Variants in DDX56 observed in about 807,000 individuals in gnomAD.
DDX56 encodes DEAD-box helicase 56, also known as probable ATP-dependent RNA helicase DDX56.
In DDX56, 45 loss-of-function variants were observed where a neutral mutation model predicts 61.5. The ratio of observed to expected loss-of-function variants is 0.73; its 90% CI spans 0.58 to 0.94. The LOEUF (loss-of-function observed/expected upper bound fraction) is 0.94, where lower values mean the gene tolerates loss of function less well. Ranked by LOEUF, DDX56 falls within the 40% of genes least tolerant of loss-of-function variation. The pLI, the probability that DDX56 is intolerant of heterozygous loss-of-function variation, is 0.00. For missense variants in DDX56, 708 were observed against 690.7 expected (o/e 1.02, Z -0.28); for synonymous variants, 273 against 268.3 (o/e 1.02, Z -0.17).
At position 44,566,433 on chromosome 7, in the gene DDX56, C is replaced by T; in HGVS notation, c.1566+15G>A. ...GAGGAGTCCTGGGGCTGTCCGCAGT[C>T]CCCAGGAGCCGTACCTTGGCCTTCC... On this transcript the variant is annotated intron_variant, in intron 13 of 13. Transcript: ENST00000258772. 1.3e-6 allele frequency: 2 copies of T among 1,549,700 alleles called. No individual in the cohort carries two copies. Among genetic ancestry groups the T allele is most frequent in the Non-Finnish European group, 1.7e-6 (2 of 1,145,206 alleles).
intron 2 of DDX56, 60 bp downstream of exon 2, chr7:44,573,523 C>T: frequency 6.3e-7 from 1 of 1,584,064 alleles, no homozygotes; most frequent in Non-Finnish European, 8.6e-7. Flanking sequence ...AAACGGGAAC[C>T]GCCCTTCCCA....
intron 9 of DDX56, 84 bp from the exon 10 acceptor site, chr7:44,569,287 T>A: frequency 2.3e-6 from 3 of 1,322,216 alleles, no homozygotes; most frequent in Non-Finnish European, 3.2e-6. Context: ...ACCTCCCCCT[T>A]GGGGGAAAGC....
Position 44,571,634 on chromosome 7 carries a change from C to A in DDX56, c.748G>T (p.Ala250Ser), listed in dbSNP as rs752966392. 2.1e-5 allele frequency: 34 copies of A among 1,614,152 alleles called. No homozygotes were observed. Among genetic ancestry groups the A allele is most frequent in the Non-Finnish European group, 2.6e-5 (31 of 1,180,042 alleles). Residue 250 changes from alanine to serine, a missense_variant, in exon 6 of 14, where the codon GCC becomes TCC. Coordinates refer to ENST00000258772, the MANE Select transcript of DDX56 (RefSeq NM_019082.4). ...TEEDKFLLLY[A>S]LLKLSLIRGK... is the part of the protein sequence containing the mutation. ...CGAATCAATGACAGCTTGAGCAGGG[C>A]ATACAGCAGGAGGAATTTGTCTTCC...
At chr7:44,570,969 CT>C in intron 6 of DDX56, 92 bp from the exon 7 acceptor site, 1 of 1,433,762 alleles carries the variant, frequency 7.0e-7, no homozygotes. Context: ...TCACCCTTTC[CT>C]TTTTCCTCTT....
At chr7:44,571,840 T>G (rs1802682181) in intron 5 of DDX56, 104 bp from the exon 6 acceptor site, 1 of 1,460,270 alleles carries the variant, frequency 6.8e-7, no homozygotes, top group African/African-American at 1.4e-5. Context: ...AGGGCAGAGA[T>G]GCATTTAAGG....
intron 9 of DDX56, 54 bp downstream of exon 9, chr7:44,569,755 G>T: frequency 6.9e-7 from 1 of 1,441,304 alleles, no homozygotes; most frequent in Non-Finnish European, 9.6e-7. Flanking sequence ...GAGTTTTAAA[G>T]CATTGTGGAA....
chr7:44,567,898 A>G, intron 12 of DDX56: 3 of 581,644 alleles, frequency 5.2e-6, no homozygotes, highest in Non-Finnish European at 3.1e-6. Context: ...CAATTTCCTC[A>G]TCTCTAAAAT....
At chr7:44,566,750 A>C (rs1226055510) in intron 12 of DDX56, among the ~76,000 whole-genome samples, 1 of 152,160 alleles carries the variant, frequency 6.6e-6, no homozygotes, top group Admixed American at 6.5e-5. Flanking sequence ...CAAACATGTA[A>C]CAAGAAAGAA....
At chr7:44,566,131 C>T (rs771938942) in intron 13 of DDX56, 52 bp from the exon 14 acceptor site, 6 of 1,051,734 alleles carry the variant, frequency 5.7e-6, no homozygotes, top group Middle Eastern at 6.1e-4. Context: ...GACAGACAAT[C>T]CACCCACCCA....
chr7:44,573,097 GTGTCCACGTGT>G (rs1340056991), intron 2 of DDX56, 47 bp from the exon 3 acceptor site: 1 of 1,503,458 alleles, frequency 6.7e-7, no homozygotes, highest in Admixed American at 2.2e-5. Flanking sequence ...GCACATCACT[GTGTCCACGTGT>G]CTCTACCCCT....
rs773699358 is a variant in DDX56 at position 44,568,981 on chromosome 7, G to A, written c.1305C>T (p.Arg435=). The A allele has an allele frequency of 1.9e-6, 3 of 1,613,928 alleles. No individual in the cohort carries two copies. In the African/African-American group the frequency reaches 4.0e-5, roughly 22 times the overall value. ...CCCGAATGGCCTGCTTAGTCACTGA[G>A]CGCATGGCATCCTGGGGGTGGACAC... ...GFRYRCRDAM[R]SVTKQAIREA... is the part of the protein sequence containing the mutation. Residue 435 remains arginine, a synonymous_variant, in exon 11 of 14, where the codon CGC becomes CGT. Transcript: ENST00000258772.
chr7:44,570,010 A>T lies in DDX56; in HGVS notation c.1124+5T>A. On this transcript the variant is annotated splice_donor_5th_base_variant and intron_variant, in intron 8 of 13. Transcript: ENST00000258772. ...ATGCAGATGCCTGGGCCGTCACACT[A>T]CTACCTGCCAGCTCGATGGATGTAG... The T allele has an allele frequency of 6.2e-7, 1 of 1,614,156 alleles. No individual in the cohort carries two copies. The highest frequency in any genetic ancestry group is 1.1e-5 in the South Asian group (1 of 91,074).
At position 44,571,739 on chromosome 7, in the gene DDX56, G is replaced by T. The variant is rs897834777; in HGVS notation, c.646-3C>A. 6.2e-7 allele frequency: 1 copy of T among 1,613,466 alleles called. No homozygotes were observed. Among genetic ancestry groups the T allele is most frequent in the African/African-American group, 1.3e-5 (1 of 74,920 alleles). ...GACTCCTGTAACTTAAGGGTAACCTGGGGGAGAAAACAGGCCTGTGGTCAG... is the reference window on the plus strand; with the variant it reads ...GACTCCTGTAACTTAAGGGTAACCTTGGGGAGAAAACAGGCCTGTGGTCAG... On this transcript the variant is annotated splice_polypyrimidine_tract_variant and splice_region_variant and intron_variant, in intron 5 of 13. Transcript: ENST00000258772.
chr7:44,572,730 T>TC lies in DDX56; in HGVS notation c.397dup (p.Glu133GlyfsTer26). On this transcript the variant is annotated frameshift_variant, in exon 4 of 14. Coordinates refer to ENST00000258772, the MANE Select transcript of DDX56 (RefSeq NM_019082.4). LOFTEE classifies it high-confidence loss of function. ...GGTCCCTACTACCACATCTGGCTTC[T>TC]CCATCAGCACAGCTCTGGAGGTGGA... 1 of 1,614,228 alleles carries TC rather than the reference T, an allele frequency of 6.2e-7. No homozygotes were observed. Among genetic ancestry groups the TC allele is most frequent in the South Asian group, 1.1e-5 (1 of 91,088 alleles).
At chr7:44,569,676 G>T in intron 9 of DDX56, 133 bp downstream of exon 9, 1 of 793,678 alleles carries the variant, frequency 1.3e-6, no homozygotes, top group Non-Finnish European at 2.1e-6. Context: ...TGCCACTCAG[G>T]GCAGAACAAG....
chr7:44,570,672 G>T, intron 7 of DDX56, 86 bp downstream of exon 7: 1 of 1,514,316 alleles, frequency 6.6e-7, no homozygotes, highest in Non-Finnish European at 8.9e-7. Flanking sequence ...TTGGCTCCCT[G>T]CTCTGTGCAC....
chr7:44,566,718 A>G (rs1428198547), intron 12 of DDX56, among the ~76,000 whole-genome samples, 194 bp from the exon 13 acceptor site: 1 of 152,120 alleles, frequency 6.6e-6, no homozygotes, highest in African/African-American at 2.4e-5. Context: ...TCACTCTCCT[A>G]TATTGTTTAG....
At chr7:44,569,339 G>A (rs957975244) in intron 9 of DDX56, 136 bp from the exon 10 acceptor site, 1 of 770,796 alleles carries the variant, frequency 1.3e-6, no homozygotes, top group Admixed American at 2.5e-5. Context: ...GAACATGCAG[G>A]TTAGCTGCAC....
chr7:44,571,299 A>C (rs1802662299), intron 6 of DDX56, among the ~76,000 whole-genome samples, 193 bp downstream of exon 6: 1 of 152,198 alleles, frequency 6.6e-6, no homozygotes, highest in Non-Finnish European at 1.5e-5. Flanking sequence ...TCGGCCTCCC[A>C]AAGTGCTGAG....
Sources: allele counts gnomAD v4.1 joint callset (sites outside exome capture counted in the v4.1 genomes callset), GRCh38; gene constraint gnomAD v4.1.1; transcripts MANE v1.5; gene names NCBI Gene and HGNC (gene_info 2026-07-23, HGNC 2026-07-21).